CAMTA1: variants seen among roughly 807,000 people sequenced by gnomAD.
The protein encoded by CAMTA1 is calmodulin-binding transcription activator 1.
CAMTA1 carries 27 observed loss-of-function variants against 170.9 expected under a neutral mutation model. The ratio of observed to expected loss-of-function variants is 0.16; its 90% CI spans 0.12 to 0.22. The LOEUF (loss-of-function observed/expected upper bound fraction) is 0.22, where lower values mean the gene tolerates loss of function less well. CAMTA1 is among the 10% of genes least tolerant of loss of function. CAMTA1 has a pLI of 1.00. For missense variants in CAMTA1, 1,619 were observed against 2,217.2 expected, an observed-to-expected ratio of 0.73 and a Z score of 5.42; for synonymous variants, 833 against 891.5, an observed-to-expected ratio of 0.93 and a Z score of 1.17.
intron 4 of CAMTA1, among the ~76,000 whole-genome samples, chr1:7,193,715 G>A (rs1365110578): frequency 6.6e-6 from 1 of 152,130 alleles, no homozygotes; most frequent in East Asian, 1.9e-4. Context: ...CCCAGGCAGT[G>A]GCTTTTCTGA....
At chr1:7,276,537 C>T (rs1443863097) in intron 5 of CAMTA1, among the ~76,000 whole-genome samples, 2 of 151,538 alleles carry the variant, frequency 1.3e-5, no homozygotes, top group African/African-American at 4.9e-5. Context: ...TCTCAATCTC[C>T]TGACCTCGTG....
chr1:7,492,137 C>A (rs935581118), intron 6 of CAMTA1, among the ~76,000 whole-genome samples: 1 of 152,138 alleles, frequency 6.6e-6, no homozygotes, highest in African/African-American at 2.4e-5. Flanking sequence ...GATGGTCACC[C>A]CAGCTGGGAA....
At chr1:7,539,428 GAT>G (rs1192264384) in intron 6 of CAMTA1, among the ~76,000 whole-genome samples, 1 of 152,342 alleles carries the variant, frequency 6.6e-6, no homozygotes, top group South Asian at 2.1e-4. Context: ...GGAAATGAAA[GAT>G]AGTACAAGTG....
At chr1:6,846,694 G>A (rs1658309606) in intron 3 of CAMTA1, among the ~76,000 whole-genome samples, 1 of 152,114 alleles carries the variant, frequency 6.6e-6, no homozygotes, top group Admixed American at 6.5e-5. Flanking sequence ...AAACCATATT[G>A]ACAGAATTCT....
intron 5 of CAMTA1, among the ~76,000 whole-genome samples, chr1:7,390,206 A>C (rs2088535036): frequency 6.6e-6 from 1 of 152,138 alleles, no homozygotes; most frequent in Non-Finnish European, 1.5e-5. Flanking sequence ...GGAGCTGCCA[A>C]GCCTCCCTCT....
chr1:7,416,452 T>C lies in CAMTA1; in HGVS notation c.439-51378T>C, dbSNP rs147746039. ...AGTCTTATATTTCTTGGAGACTTTT[T>C]TCGTTTCTTTTTATTCTTTTTTCTC... On this transcript the variant is annotated intron_variant, in intron 5 of 22. Transcript: ENST00000303635. Among the ~76,000 whole-genome samples, 82 of 152,336 alleles carry C rather than the reference T, an allele frequency of 5.4e-4. No individual in the cohort carries two copies. In the East Asian group the frequency reaches 0.014, roughly 27 times the overall value.
intron 6 of CAMTA1, among the ~76,000 whole-genome samples, chr1:7,579,547 C>CTTTTTTTTTTTTTTTT (rs2095237893): frequency 1.8e-5 from 2 of 111,462 alleles, no homozygotes; most frequent in African/African-American, 8.2e-5. Context: ...CTTTTCTTTT[C>CTTTTTTTTTTTTTTTT]TTTTCTTTTT....
chr1:7,401,999 A>G (rs925719320), intron 5 of CAMTA1, among the ~76,000 whole-genome samples: 36 of 152,122 alleles, frequency 2.4e-4, no homozygotes, highest in African/African-American at 8.2e-4. Flanking sequence ...CTCTTGCAGT[A>G]GTTTTCCTCT....
At chr1:6,824,434 A>G (rs1442624891) in intron 2 of CAMTA1, among the ~76,000 whole-genome samples, 3 of 152,176 alleles carry the variant, frequency 2.0e-5, no homozygotes, top group Non-Finnish European at 4.4e-5. Flanking sequence ...TTTTTTCTCT[A>G]ACTCATTTAG....
At position 7,044,951 on chromosome 1, in the gene CAMTA1, A is replaced by G. The variant is rs915532997; in HGVS notation, c.235-46353A>G. On this transcript the variant is annotated intron_variant, in intron 3 of 22. Transcript: ENST00000303635. The surrounding 1 kb of genome is among the most constrained non-coding windows in gnomAD (Gnocchi z 5.0). ...TCATACTTGTTTCTATGGGCTTCCTATGTTTCTTTGGAAGCAGCCTCTTCA... is the reference window on the plus strand; with the variant it reads ...TCATACTTGTTTCTATGGGCTTCCTGTGTTTCTTTGGAAGCAGCCTCTTCA... Among the ~76,000 whole-genome samples the G allele has an allele frequency of 1.3e-5, 2 of 151,854 alleles. No individual in the cohort carries two copies. Among genetic ancestry groups the G allele is most frequent in the African/African-American group, 2.4e-5 (1 of 41,308 alleles).
Position 7,310,647 on chromosome 1 carries a change from T to TCTTTCTTTCTTTC in CAMTA1, c.438+61021_438+61022insCTTTCTTTCTTTC, listed in dbSNP as rs61161982. On this transcript the variant is annotated intron_variant, in intron 5 of 22. Transcript: ENST00000303635. ...TTCTTTCTTTCTTTCTTTCTTTCTT[T>TCTTTCTTTCTTTC]TTTCTTTCTTTCTTTCTTTCTTTCC... 2.4e-4 allele frequency among the ~76,000 whole-genome samples: 12 copies of TCTTTCTTTCTTTC among 49,178 alleles called. 1 individual carries two copies. The highest frequency in any genetic ancestry group is 3.5e-4 in the Non-Finnish European group (9 of 25,576). The allele number at this position is 49,178 out of a possible 152,430, so 32.3% of individuals were successfully genotyped here. A position where few individuals can be genotyped will look rare whatever the true frequency, so the allele number is the denominator to read the frequency against.
chr1:7,255,654 A>C (rs1667256518), intron 5 of CAMTA1, among the ~76,000 whole-genome samples: 1 of 152,212 alleles, frequency 6.6e-6, no homozygotes, highest in Non-Finnish European at 1.5e-5. Flanking sequence ...AGATACATCG[A>C]GTATTTATTT....
chr1:7,073,393 C>G (rs1638894698), intron 3 of CAMTA1, among the ~76,000 whole-genome samples: 1 of 152,114 alleles, frequency 6.6e-6, no homozygotes, highest in Admixed American at 6.5e-5. Context: ...AGGCTGAAAA[C>G]ATAAATTTTG....
chr1:6,901,093 T>C (rs536763076), intron 3 of CAMTA1, among the ~76,000 whole-genome samples: 2 of 152,318 alleles, frequency 1.3e-5, no homozygotes, highest in East Asian at 3.9e-4. Context: ...GATCCACACA[T>C]AGATGCTCAA....
intron 3 of CAMTA1, among the ~76,000 whole-genome samples, chr1:7,086,782 C>G (rs535934641): frequency 6.6e-6 from 1 of 152,176 alleles, no homozygotes; most frequent in African/African-American, 2.4e-5. Flanking sequence ...TGCCGTTGTA[C>G]GTCTGTGACA....
chr1:7,051,986 C>T (rs889510754), intron 3 of CAMTA1, among the ~76,000 whole-genome samples: 8 of 150,738 alleles, frequency 5.3e-5, no homozygotes, highest in Non-Finnish European at 8.9e-5. Context: ...GGGGCTCTGG[C>T]TCTGCCGTGG....
intron 6 of CAMTA1, among the ~76,000 whole-genome samples, chr1:7,596,089 G>A (rs1412770367): frequency 6.6e-6 from 1 of 152,232 alleles, no homozygotes; most frequent in Non-Finnish European, 1.5e-5. Context: ...GAAGATGGGT[G>A]GAAAGTCAGG....
chr1:7,743,283 TA>T (rs1271815490), intron 16 of CAMTA1, among the ~76,000 whole-genome samples: 2 of 152,094 alleles, frequency 1.3e-5, no homozygotes, highest in Middle Eastern at 3.4e-3. Context: ...TTACGTATGA[TA>T]AAAAATTTAT....
At chr1:7,398,181 C>CTATATA (rs2089512754) in intron 5 of CAMTA1, among the ~76,000 whole-genome samples, 1 of 45,556 alleles carries the variant, frequency 2.2e-5, no homozygotes, top group African/African-American at 8.4e-5. Flanking sequence ...CTCTCTCTCT[C>CTATATA]TCTCTCTCTC....
Sources: allele counts gnomAD v4.1 joint callset (sites outside exome capture counted in the v4.1 genomes callset), GRCh38; gene constraint gnomAD v4.1.1; non-coding constraint Gnocchi (gnomAD v3.1); transcripts MANE v1.5; gene names NCBI Gene and HGNC (gene_info 2026-07-23, HGNC 2026-07-21).